Variants in PRKN observed in about 807,000 individuals in gnomAD.
The protein encoded by PRKN is parkin RBR E3 ubiquitin protein ligase, also known as E3 ubiquitin-protein ligase parkin.
A neutral mutation model predicts 59.5 loss-of-function variants in PRKN; 56 were observed. The ratio of observed to expected loss-of-function variants is 0.94; its 90% CI spans 0.76 to 1.18. PRKN has a LOEUF of 1.18. PRKN is among the 50% of genes most tolerant of loss of function. PRKN has a pLI of 0.00. For synonymous variants in PRKN, 250 were observed against 222.1 expected (o/e 1.13, Z -1.12); for missense variants, 657 against 596.4 (o/e 1.10, Z -1.06).
At chr6:162,663,227 A>C (rs1464760587) in intron 1 of PRKN, among the ~76,000 whole-genome samples, 2 of 152,188 alleles carry the variant, frequency 1.3e-5, no homozygotes, top group Non-Finnish European at 2.9e-5. Context: ...TGCTCACAAT[A>C]ACCCTGTGAG....
intron 6 of PRKN, among the ~76,000 whole-genome samples, chr6:161,904,418 C>T (rs527680303): frequency 7.9e-4 from 118 of 149,172 alleles, no homozygotes; most frequent in Middle Eastern, 3.5e-3. Context: ...TGGGTTCATG[C>T]CATTCTCCTG....
At chr6:161,455,505 C>T (rs933584554) in intron 9 of PRKN, among the ~76,000 whole-genome samples, 8 of 152,000 alleles carry the variant, frequency 5.3e-5, no homozygotes, top group African/African-American at 1.9e-4. Flanking sequence ...TTTATAGAGG[C>T]CTATCAGTGT....
At chr6:161,956,872 T>G (rs1418710134) in intron 6 of PRKN, among the ~76,000 whole-genome samples, 1 of 152,210 alleles carries the variant, frequency 6.6e-6, no homozygotes, top group South Asian at 2.1e-4. Context: ...ATAATATAAT[T>G]ACTGTAGCTA....
chr6:162,489,988 GCAAATCACTTTGCATCCT>G (rs1234110107), intron 1 of PRKN, among the ~76,000 whole-genome samples: 2 of 152,152 alleles, frequency 1.3e-5, no homozygotes, highest in Non-Finnish European at 2.9e-5. Flanking sequence ...GAGGTCAGAT[GCAAATCACTTTGCATCCT>G]CAAAGCAACT....
chr6:161,558,735 A>T (rs1780337936), intron 8 of PRKN, among the ~76,000 whole-genome samples: 1 of 152,062 alleles, frequency 6.6e-6, no homozygotes. Flanking sequence ...ATAATGTCCC[A>T]TTTTCTATAC....
At chr6:161,856,431 A>G (rs1423029360) in intron 6 of PRKN, among the ~76,000 whole-genome samples, 1 of 151,820 alleles carries the variant, frequency 6.6e-6, no homozygotes, top group Admixed American at 6.6e-5. Context: ...CTGTAGGATG[A>G]AAAAAAGGCG....
chr6:162,198,252 G>A (rs766142613), intron 4 of PRKN, among the ~76,000 whole-genome samples: 1 of 152,070 alleles, frequency 6.6e-6, no homozygotes, highest in Non-Finnish European at 1.5e-5. Flanking sequence ...GGAGATAGAG[G>A]TGGAGCCGAG....
rs1400869084 is a variant in PRKN at position 161,429,271 on chromosome 6, C to T, written c.1084-42394G>A. 1.3e-5 allele frequency among the ~76,000 whole-genome samples: 2 copies of T among 152,194 alleles called. No homozygotes were observed. The highest frequency in any genetic ancestry group is 2.9e-5 in the Non-Finnish European group (2 of 68,044). On this transcript the variant is annotated intron_variant, in intron 9 of 11. Transcript: ENST00000366898. This position sits in a 1 kb window ranked among gnomAD's most constrained non-coding sequence, Gnocchi z 4.2. Reference sequence around the variant, plus strand: ...ATCAAGTGCTGAGACATGCTAGGTGCTGGGCTAGGTGTGGAATACAATGGT... The same window carrying T: ...ATCAAGTGCTGAGACATGCTAGGTGTTGGGCTAGGTGTGGAATACAATGGT...
At chr6:162,215,556 T>A (rs1037977199) in intron 3 of PRKN, among the ~76,000 whole-genome samples, 1 of 152,214 alleles carries the variant, frequency 6.6e-6, no homozygotes. Flanking sequence ...GTAAATTGGT[T>A]ATAAATCTTC....
At chr6:161,716,071 TTACC>T (rs1786963922) in intron 7 of PRKN, 4 of 856,456 alleles carry the variant, frequency 4.7e-6, no homozygotes, top group South Asian at 1.7e-5. Flanking sequence ...TGGGCCCATC[TTACC>T]GACTCCTCTC....
chr6:161,651,531 G>A (rs1302998965), intron 7 of PRKN, among the ~76,000 whole-genome samples: 1 of 151,970 alleles, frequency 6.6e-6, no homozygotes, highest in Non-Finnish European at 1.5e-5. Context: ...ATATCTTTAG[G>A]GTTTATCTGA....
At chr6:162,299,917 AC>A (rs1158229074) in intron 2 of PRKN, among the ~76,000 whole-genome samples, 1 of 152,198 alleles carries the variant, frequency 6.6e-6, no homozygotes. Flanking sequence ...AGCTTTCACT[AC>A]AGCTTTATTC....
chr6:161,741,535 T>G (rs911756611), intron 7 of PRKN, among the ~76,000 whole-genome samples: 1 of 152,106 alleles, frequency 6.6e-6, no homozygotes, highest in African/African-American at 2.4e-5. Context: ...GCCTCTGTCT[T>G]TCCAGAAAGG....
chr6:162,232,953 T>C (rs1778485478), intron 3 of PRKN, among the ~76,000 whole-genome samples: 16 of 151,958 alleles, frequency 1.1e-4, no homozygotes, highest in Admixed American at 1.0e-3. Flanking sequence ...TCATGGTAAA[T>C]AATTGAGTAA....
intron 4 of PRKN, among the ~76,000 whole-genome samples, chr6:162,067,463 T>C (rs796575248): frequency 6.4e-4 from 98 of 152,298 alleles, no homozygotes; most frequent in African/African-American, 2.3e-3. Context: ...AAAAGTAAAA[T>C]ATTACTTATA....
At chr6:161,532,496 T>A (rs1333977390) in intron 9 of PRKN, among the ~76,000 whole-genome samples, 6 of 148,322 alleles carry the variant, frequency 4.0e-5, no homozygotes, top group Non-Finnish European at 7.5e-5. Context: ...CCATACTCTA[T>A]CTCTTCCAGA....
rs1304034543 is a variant in PRKN, at chr6:161,372,170, G to A, written c.1168-11965C>T. On this transcript the variant is annotated intron_variant, in intron 10 of 11. Coordinates refer to ENST00000366898, the MANE Select transcript of PRKN (RefSeq NM_004562.3). This position sits in a 1 kb window ranked among gnomAD's most constrained non-coding sequence, Gnocchi z 4.2. ...AATTATTAATAGGTACCATTTATTG[G>A]TTATTTTAAAAGTGCTTTGTGTTCA... is the stretch of plus-strand genomic sequence containing the variant. Among the ~76,000 whole-genome samples the A allele has an allele frequency of 6.6e-6, 1 of 152,296 alleles. No individual in the cohort carries two copies. The highest frequency in any genetic ancestry group is 2.1e-4 in the South Asian group (1 of 4,830).
intron 7 of PRKN, among the ~76,000 whole-genome samples, chr6:161,686,609 A>T (rs1785566904): frequency 6.6e-6 from 1 of 152,182 alleles, no homozygotes; most frequent in South Asian, 2.1e-4. Context: ...TGAATTAAAC[A>T]TCCCCAGAGT....
intron 4 of PRKN, among the ~76,000 whole-genome samples, chr6:162,153,548 C>T (rs58713232): frequency 1.3e-5 from 2 of 152,126 alleles, no homozygotes; most frequent in Non-Finnish European, 2.9e-5. Context: ...ATTATAACAG[C>T]CTTTTGGGGT....
Sources: gnomAD v4.1 joint callset for allele counts (sites outside exome capture counted in the v4.1 genomes callset) on GRCh38, gnomAD v4.1.1 for gene constraint, Gnocchi (gnomAD v3.1) non-coding constraint, MANE v1.5 for transcripts, NCBI Gene and HGNC (gene_info 2026-07-23, HGNC 2026-07-21) for gene names.